UBA6: variants seen among roughly 807,000 people sequenced by gnomAD.
UBA6 encodes ubiquitin-like modifier-activating enzyme 6.
In UBA6, 87 loss-of-function variants were observed where a neutral mutation model predicts 148.3. The observed-to-expected ratio is 0.59, with a 90% CI of 0.49 to 0.70. UBA6 has a LOEUF of 0.70. UBA6 is among the 30% of genes least tolerant of loss of function. The pLI, the probability that UBA6 is intolerant of heterozygous loss-of-function variation, is 0.00. For missense variants in UBA6, 1,186 were observed against 1,241.2 expected (o/e 0.96, Z 0.67); for synonymous variants, 376 against 401.0 (o/e 0.94, Z 0.75).
At chr4:67,654,484 T>C (rs185759559) in intron 13 of UBA6, among the ~76,000 whole-genome samples, 1 of 152,114 alleles carries the variant, frequency 6.6e-6, no homozygotes, top group East Asian at 1.9e-4. Context: ...GACAAGCAAA[T>C]ACTGAGAGAT....
chr4:67,674,643 G>GT lies in UBA6; in HGVS notation c.466-867dup, dbSNP rs1475553463. Reference sequence around the variant, plus strand: ...TCATATTTCCTGCATCTGTGAAACAGTAACAGGATAGTTTGCAAATAATAA... The same window carrying GT: ...TCATATTTCCTGCATCTGTGAAACAGTTAACAGGATAGTTTGCAAATAATAA... On this transcript the variant is annotated intron_variant, in intron 6 of 32. Coordinates refer to ENST00000322244, the MANE Select transcript of UBA6 (RefSeq NM_018227.6). Among the ~76,000 whole-genome samples, 12 of 152,254 alleles carry GT rather than the reference G, an allele frequency of 7.9e-5. No homozygotes were observed. The East Asian group carries it at 2.1e-3, about 27-fold the overall frequency.
intron 3 of UBA6, 30 bp from the exon 4 acceptor site, chr4:67,681,621 C>T: frequency 6.5e-7 from 1 of 1,538,674 alleles, no homozygotes; most frequent in Non-Finnish European, 8.8e-7. Context: ...AGGAATAGCT[C>T]AATATTGGGA....
chr4:67,682,949 G>C (rs936712875), intron 2 of UBA6, among the ~76,000 whole-genome samples: 1 of 152,032 alleles, frequency 6.6e-6, no homozygotes, highest in South Asian at 2.1e-4. Context: ...CATGTTTAAT[G>C]CACATTTGTT....
rs761650283 is a variant in UBA6 at position 67,670,585 on chromosome 4, C to T, written c.554G>A (p.Ser185Asn). The change falls in exon 8 of 33, where the codon AGT (serine) becomes AAT (asparagine). Residue 185 changes from serine (S) to asparagine (N), a missense_variant. Transcript: ENST00000322244. ...TGACCAAATTCCATGTACATCTGCA[C>T]TGATAAACTGTAAAATGGCAAAAAC... ...RSQCPPIKFISADVHGIWSRL... is the reference protein window; with the variant it reads ...RSQCPPIKFINADVHGIWSRL... 69 of 1,605,960 alleles carry T rather than the reference C, an allele frequency of 4.3e-5. No homozygotes were observed. The highest frequency in any genetic ancestry group is 5.7e-5 in the Non-Finnish European group (67 of 1,176,796).
chr4:67,630,923 A>C (rs1022403285), intron 25 of UBA6, among the ~76,000 whole-genome samples: 1 of 152,236 alleles, frequency 6.6e-6, no homozygotes, highest in African/African-American at 2.4e-5. Context: ...GTGTTTATTT[A>C]AAAACAAAAA....
intron 2 of UBA6, among the ~76,000 whole-genome samples, chr4:67,690,376 C>T (rs1730667046): frequency 6.6e-6 from 1 of 152,052 alleles, no homozygotes; most frequent in South Asian, 2.1e-4. Context: ...AAAGAGGCCT[C>T]ATAACACTGG....
At chr4:67,641,355 T>C (rs1337956469) in intron 17 of UBA6, 127 bp from the exon 18 acceptor site, 18 of 589,242 alleles carry the variant, frequency 3.1e-5, no homozygotes, top group Non-Finnish European at 4.4e-5. Flanking sequence ...AAGGTCATAA[T>C]GATACAAACA....
At chr4:67,679,375 T>A (rs371321476) in intron 4 of UBA6, among the ~76,000 whole-genome samples, 2 of 152,152 alleles carry the variant, frequency 1.3e-5, no homozygotes, top group East Asian at 1.9e-4. Context: ...TGACTTTGAA[T>A]CATAAATCTC....
At position 67,663,868 on chromosome 4, in the gene UBA6, G is replaced by A. The variant is rs377186646; in HGVS notation, c.960+17C>T. On this transcript the variant is annotated intron_variant, in intron 11 of 32. Transcript: ENST00000322244. ...TGATTCTGCTGCCTCTCTCAAACCTGCAAAGTGTTTATTTACCTCAGGGTT... is the reference window on the plus strand; with the variant it reads ...TGATTCTGCTGCCTCTCTCAAACCTACAAAGTGTTTATTTACCTCAGGGTT... The A allele has an allele frequency of 6.2e-7, 1 of 1,609,960 alleles. No homozygotes were observed. The highest frequency in any genetic ancestry group is 1.7e-5 in the Admixed American group (1 of 59,942).
Position 67,701,123 on chromosome 4 carries a change from C to A in UBA6, c.-4G>T, listed in dbSNP as rs770284602. The A allele has an allele frequency of 5.6e-6, 9 of 1,612,684 alleles. No individual in the cohort carries two copies. The Middle Eastern group carries it at 5.0e-4, about 89-fold the overall frequency. On this transcript the variant is annotated 5_prime_UTR_variant, in exon 1 of 33. Transcript: ENST00000322244. ...CCACAGGCTCGGATCCTTCCATTGCCGCCTGAGACACCGCCGCCGGCTACT... is the reference window on the plus strand; with the variant it reads ...CCACAGGCTCGGATCCTTCCATTGCAGCCTGAGACACCGCCGCCGGCTACT...
At position 67,688,475 on chromosome 4, in the gene UBA6, C is replaced by A. The variant is rs535254882; in HGVS notation, c.135-6262G>T. On this transcript the variant is annotated intron_variant, in intron 2 of 32. Coordinates refer to ENST00000322244, the MANE Select transcript of UBA6 (RefSeq NM_018227.6). ...CATCAGAGGTAGTAAAAAAATAAAA[C>A]CCCTCTGAGAGAGACAGAATGCAGA... Among the ~76,000 whole-genome samples the A allele has an allele frequency of 8.5e-5, 13 of 152,152 alleles. No individual in the cohort carries two copies. In the South Asian group the frequency reaches 2.5e-3, roughly 29 times the overall value.
chr4:67,668,741 C>A, intron 8 of UBA6, 67 bp from the exon 9 acceptor site: 15 of 1,444,204 alleles, frequency 1.0e-5, no homozygotes, highest in Middle Eastern at 2.1e-4. Context: ...AAATTCAAAT[C>A]TTAAGCAAAA....
At chr4:67,684,552 A>G (rs901746438) in intron 2 of UBA6, among the ~76,000 whole-genome samples, 8 of 152,138 alleles carry the variant, frequency 5.3e-5, no homozygotes, top group Non-Finnish European at 7.4e-5. Context: ...AATCTGTGTA[A>G]CTCTTTAATA....
At chr4:67,635,197 A>T (rs998613300) in intron 20 of UBA6, among the ~76,000 whole-genome samples, 1 of 152,112 alleles carries the variant, frequency 6.6e-6, no homozygotes, top group East Asian at 1.9e-4. Flanking sequence ...CTTAAACTCA[A>T]AGGGTATTAG....
chr4:67,682,328 T>C, intron 2 of UBA6, 115 bp from the exon 3 acceptor site: 1 of 706,602 alleles, frequency 1.4e-6, no homozygotes, highest in Non-Finnish European at 2.4e-6. Context: ...AGACTTGTTA[T>C]GAATGATTTG....
At chr4:67,697,715 T>C (rs1261424515) in intron 1 of UBA6, among the ~76,000 whole-genome samples, 1 of 152,202 alleles carries the variant, frequency 6.6e-6, no homozygotes, top group Non-Finnish European at 1.5e-5. Flanking sequence ...ATCTCAAACC[T>C]GATCATTTCT....
At chr4:67,694,239 A>AAAAAAAAAAAAAAAAAAAAAAAAAAAG (rs1730772700) in intron 2 of UBA6, among the ~76,000 whole-genome samples, 1 of 141,032 alleles carries the variant, frequency 7.1e-6, no homozygotes, top group Non-Finnish European at 1.5e-5. Context: ...AAAAAAAAAA[A>AAAAAAAAAAAAAAAAAAAAAAAAAAAG]AAAAAGAAAA....
chr4:67,631,375 G>A (rs986713537), intron 25 of UBA6, among the ~76,000 whole-genome samples: 2 of 152,080 alleles, frequency 1.3e-5, no homozygotes, highest in Admixed American at 6.6e-5. Flanking sequence ...CCATATAACT[G>A]AAGATTCTTA....
At position 67,614,603 on chromosome 4, in the gene UBA6, C is replaced by G. The variant is rs775796650; in HGVS notation, c.*4394G>C. On this transcript the variant is annotated 3_prime_UTR_variant, in exon 33 of 33. Transcript: ENST00000322244. Reference sequence around the variant, plus strand: ...ATGAAAAAAATTTAAATATGAAAGGCAAAACTAAAGCTTTAAGAAGACGAT... The same window carrying G: ...ATGAAAAAAATTTAAATATGAAAGGGAAAACTAAAGCTTTAAGAAGACGAT... 4 of 152,108 alleles carry G rather than the reference C, an allele frequency of 2.6e-5. No individual in the cohort carries two copies. The highest frequency in any genetic ancestry group is 5.9e-5 in the Non-Finnish European group (4 of 68,020). The allele number at this position is 152,108 out of a possible 1,614,324, so 9.4% of individuals were successfully genotyped here. A position where few individuals can be genotyped will look rare whatever the true frequency, so the allele number is the denominator to read the frequency against.
Sources: allele counts gnomAD v4.1 joint callset (sites outside exome capture counted in the v4.1 genomes callset), GRCh38; gene constraint gnomAD v4.1.1; transcripts MANE v1.5; gene names NCBI Gene and HGNC (gene_info 2026-07-23, HGNC 2026-07-21).